The following ZFPM2 variants were observed in gnomAD, a reference collection of about 807,000 sequenced individuals.
ZFPM2 encodes the protein zinc finger protein, FOG family member 2.
A neutral mutation model predicts 98.6 loss-of-function variants in ZFPM2; 20 were observed. The observed-to-expected ratio is 0.20, with a 90% CI of 0.14 to 0.29. The LOEUF is 0.29. ZFPM2 is among the 10% of genes least tolerant of loss of function. ZFPM2 has a pLI of 1.00. For missense variants in ZFPM2, 1,310 were observed against 1,388.6 expected, an observed-to-expected ratio of 0.94 and a Z score of 0.90; for synonymous variants, 518 against 502.7, an observed-to-expected ratio of 1.03 and a Z score of -0.41.
At chr8:105,344,541 T>C (rs1395887616) in intron 1 of ZFPM2, among the ~76,000 whole-genome samples, 1 of 152,168 alleles carries the variant, frequency 6.6e-6, no homozygotes, top group East Asian at 1.9e-4. Context: ...TACATCGATA[T>C]TTATTTTTAT....
At chr8:105,521,825 C>T (rs1814068028) in intron 3 of ZFPM2, among the ~76,000 whole-genome samples, 1 of 152,188 alleles carries the variant, frequency 6.6e-6, no homozygotes, top group African/African-American at 2.4e-5. Context: ...GATCCGCCCA[C>T]CTCGGCCTCC....
intron 4 of ZFPM2, among the ~76,000 whole-genome samples, chr8:105,623,661 T>C (rs1586157691): frequency 6.6e-6 from 1 of 152,280 alleles, no homozygotes; most frequent in Non-Finnish European, 1.5e-5. Flanking sequence ...TGAAGATGAC[T>C]TTGTGCAGGG....
intron 1 of ZFPM2, chr8:105,418,670 A>G: frequency 2.0e-6 from 1 of 506,504 alleles, no homozygotes; most frequent in Non-Finnish European, 3.9e-6. Flanking sequence ...CACTCTTAAG[A>G]TGGATTTTTA....
chr8:105,586,242 G>A (rs1395199465), intron 4 of ZFPM2, among the ~76,000 whole-genome samples: 7 of 152,070 alleles, frequency 4.6e-5, no homozygotes, highest in African/African-American at 1.2e-4. Flanking sequence ...GTATACTGCA[G>A]ATTTTTTCGA....
At chr8:105,696,070 A>G (rs973052732) in intron 5 of ZFPM2, among the ~76,000 whole-genome samples, 2 of 152,224 alleles carry the variant, frequency 1.3e-5, no homozygotes, top group Admixed American at 1.3e-4. Flanking sequence ...TGCAATATTA[A>G]TATAGCATCC....
At chr8:105,338,075 C>T (rs1170100475) in intron 1 of ZFPM2, among the ~76,000 whole-genome samples, 1 of 151,608 alleles carries the variant, frequency 6.6e-6, no homozygotes, top group Non-Finnish European at 1.5e-5. Context: ...GATTTATTTA[C>T]TTTTAAAAAC....
At chr8:105,494,187 A>G (rs1249036016) in intron 3 of ZFPM2, among the ~76,000 whole-genome samples, 2 of 41,940 alleles carry the variant, frequency 4.8e-5, no homozygotes, top group Admixed American at 2.2e-4. Context: ...CCAAAAGTAT[A>G]TATATATATA....
intron 5 of ZFPM2, among the ~76,000 whole-genome samples, chr8:105,655,217 T>A (rs746077896): frequency 6.6e-6 from 1 of 150,694 alleles, no homozygotes; most frequent in African/African-American, 2.4e-5. Context: ...TTTTCTTGCA[T>A]TGAGTCTTTT....
chr8:105,390,375 T>C (rs1286636968), intron 1 of ZFPM2, among the ~76,000 whole-genome samples: 1 of 152,284 alleles, frequency 6.6e-6, no homozygotes, highest in East Asian at 1.9e-4. Context: ...GAGACATACC[T>C]CCTAAATGAA....
chr8:105,580,460 GC>G (rs1361236641), intron 4 of ZFPM2, among the ~76,000 whole-genome samples: 1 of 152,042 alleles, frequency 6.6e-6, no homozygotes, highest in Non-Finnish European at 1.5e-5. Flanking sequence ...CTTATGGTAG[GC>G]TCATGTCCAT....
At chr8:105,657,370 C>T (rs1817305774) in intron 5 of ZFPM2, among the ~76,000 whole-genome samples, 1 of 152,126 alleles carries the variant, frequency 6.6e-6, no homozygotes, top group Non-Finnish European at 1.5e-5. Context: ...AACTCCTGAC[C>T]TCAGGTGATC....
intron 3 of ZFPM2, among the ~76,000 whole-genome samples, chr8:105,501,885 CATATGTTAAACAGGTAAA>C (rs1813603262): frequency 6.8e-6 from 1 of 147,302 alleles, no homozygotes; most frequent in African/African-American, 2.6e-5. Flanking sequence ...AATTTTCAAA[CATATGTTAAACAGGTAAA>C]ATAAACACAA....
intron 5 of ZFPM2, among the ~76,000 whole-genome samples, chr8:105,767,612 T>C (rs181880482): frequency 6.6e-6 from 1 of 152,038 alleles, no homozygotes; most frequent in East Asian, 1.9e-4. Flanking sequence ...AATATTATTG[T>C]GACAGACTGA....
chr8:105,734,300 T>C (rs1034994708), intron 5 of ZFPM2, among the ~76,000 whole-genome samples: 8 of 151,950 alleles, frequency 5.3e-5, no homozygotes, highest in African/African-American at 1.9e-4. Context: ...TAAAATGAAG[T>C]AGTATTTATA....
At chr8:105,511,182 C>T (rs1813810629) in intron 3 of ZFPM2, among the ~76,000 whole-genome samples, 1 of 152,212 alleles carries the variant, frequency 6.6e-6, no homozygotes, top group Admixed American at 6.5e-5. Context: ...CTCTCCAACT[C>T]CCTCATCCTT....
At chr8:105,541,027 A>T (rs755385397) in intron 3 of ZFPM2, among the ~76,000 whole-genome samples, 2 of 152,074 alleles carry the variant, frequency 1.3e-5, no homozygotes, top group Non-Finnish European at 2.9e-5. Context: ...TTGCAGACTG[A>T]CCTGTAAGAT....
chr8:105,620,753 T>C (rs1336805521), intron 4 of ZFPM2, among the ~76,000 whole-genome samples: 1 of 152,202 alleles, frequency 6.6e-6, no homozygotes, highest in Admixed American at 6.5e-5. Flanking sequence ...TACATATGGG[T>C]AGCCAGTTTT....
chr8:105,511,718 G>C (rs1813821159), intron 3 of ZFPM2, among the ~76,000 whole-genome samples: 1 of 152,182 alleles, frequency 6.6e-6, no homozygotes, highest in African/African-American at 2.4e-5. Flanking sequence ...GAGGAAAAAA[G>C]CCTTTCTTTT....
chr8:105,420,436 A>G (rs1811769942), intron 2 of ZFPM2, among the ~76,000 whole-genome samples: 1 of 152,178 alleles, frequency 6.6e-6, no homozygotes, highest in African/African-American at 2.4e-5. Context: ...CCCTGTGGTC[A>G]GTAGAACCCC....
Sources: gnomAD v4.1 joint callset for allele counts (sites outside exome capture counted in the v4.1 genomes callset) on GRCh38, gnomAD v4.1.1 for gene constraint, MANE v1.5 for transcripts, NCBI Gene and HGNC (gene_info 2026-07-23, HGNC 2026-07-21) for gene names.